FRMD4B: variants seen among roughly 807,000 people sequenced by gnomAD.
FRMD4B encodes the protein FERM domain-containing protein 4B.
FRMD4B carries 74 observed loss-of-function variants against 141.5 expected under a neutral mutation model. The observed-to-expected ratio is 0.52, with a 90% CI of 0.43 to 0.63. FRMD4B has a LOEUF of 0.63. FRMD4B is among the 30% of genes least tolerant of loss of function. The pLI is 0.00. For synonymous variants in FRMD4B, 506 were observed against 467.9 expected (o/e 1.08, Z -1.05); for missense variants, 1,366 against 1,253.4 (o/e 1.09, Z -1.36).
rs10526962 is a variant in FRMD4B at position 69,250,290 on chromosome 3, CGT to C, written c.502-193_502-192del. 2.9e-3 allele frequency: 1,203 copies of C among 418,566 alleles called. 8 individuals are homozygous for C. Among genetic ancestry groups the C allele is most frequent in the African/African-American group, 0.018 (911 of 50,148 alleles). The allele number at this position is 418,566 out of a possible 1,614,324, so 25.9% of individuals were successfully genotyped here. ...GGTTAAGGCGAAACCACTGTGTGTG[CGT>C]GTGTGTGTGTGTGTGTGTGTGTGTG... On this transcript the variant is annotated intron_variant, in intron 5 of 22. Transcript: ENST00000398540.
At chr3:69,392,021 C>A (rs1019297125) in intron 2 of FRMD4B, among the ~76,000 whole-genome samples, 6 of 152,216 alleles carry the variant, frequency 3.9e-5, no homozygotes, top group African/African-American at 1.4e-4. Flanking sequence ...ACATAGCAGG[C>A]AATCAATAAA....
intron 2 of FRMD4B, among the ~76,000 whole-genome samples, chr3:69,428,401 A>G (rs528945006): frequency 3.3e-4 from 49 of 149,218 alleles, no homozygotes; most frequent in Middle Eastern, 3.5e-3. Flanking sequence ...AACTCTTTTA[A>G]TCCCCAGCAG....
chr3:69,233,442 T>C (rs1246364103), intron 7 of FRMD4B, among the ~76,000 whole-genome samples: 3 of 147,844 alleles, frequency 2.0e-5, no homozygotes, highest in African/African-American at 7.6e-5. Context: ...CACGATCGCC[T>C]ACTGCACTCC....
intron 2 of FRMD4B, among the ~76,000 whole-genome samples, chr3:69,426,032 A>G (rs1705071615): frequency 6.6e-6 from 1 of 152,236 alleles, no homozygotes. Context: ...TTTGCTAAAG[A>G]TTGATCAAGA....
intron 1 of FRMD4B, chr3:69,353,738 A>G: frequency 1.0e-6 from 1 of 980,888 alleles, no homozygotes. Flanking sequence ...TTCCGCTGCC[A>G]TATAATCTCA....
At position 69,187,899 on chromosome 3, in the gene FRMD4B, A is replaced by T. The variant is rs1040333352; in HGVS notation, c.1790T>A (p.Phe597Tyr). The T allele has an allele frequency of 3.1e-6, 5 of 1,588,042 alleles. No individual in the cohort carries two copies. In the African/African-American group the frequency reaches 4.0e-5, roughly 13 times the overall value. ...TACTGAACTTGATCGCTGCCCAGGA[A>T]AAGTGAAGGCATCACTGGCTATAAT... ...TYDDPSDAFT[F>Y]PGQRSSSVPH... Residue 597 changes from phenylalanine (F) to tyrosine (Y), a missense_variant, in exon 19 of 23, where the codon TTT becomes TAT. Physicochemically the swap from Phe to Tyr is conservative, Grantham distance 22. Coordinates refer to ENST00000398540, the MANE Select transcript of FRMD4B (RefSeq NM_015123.3).
At position 69,170,138 on chromosome 3, in the gene FRMD4B, GAATT is replaced by G. The variant is rs148480186; in HGVS notation, c.*1719_*1722del. ...TAAATATTTAAAAATGTACATCCCG[GAATT>G]AATAAAATACGGTAATACTATAAAT... On this transcript the variant is annotated 3_prime_UTR_variant, in exon 23 of 23. Coordinates refer to ENST00000398540, the MANE Select transcript of FRMD4B (RefSeq NM_015123.3). 5 of 152,196 alleles carry G rather than the reference GAATT, an allele frequency of 3.3e-5. No individual in the cohort carries two copies. Among genetic ancestry groups the G allele is most frequent in the African/African-American group, 1.2e-4 (5 of 41,510 alleles). The allele number at this position is 152,196 out of a possible 1,614,324, so 9.4% of individuals were successfully genotyped here. A position where few individuals can be genotyped will look rare whatever the true frequency, so the allele number is the denominator to read the frequency against.
intron 1 of FRMD4B, among the ~76,000 whole-genome samples, chr3:69,503,108 A>C (rs1010234130): frequency 1.3e-5 from 2 of 152,230 alleles, no homozygotes; most frequent in African/African-American, 4.8e-5. Flanking sequence ...TAGTTCAACC[A>C]TTGTGGAAGT....
chr3:69,250,306 T>TGC, intron 5 of FRMD4B: 1 of 297,904 alleles, frequency 3.4e-6, no homozygotes. Context: ...TGTGTGTGTG[T>TGC]GTGTGTGTGT....
At chr3:69,311,146 T>C (rs1701573495) in intron 3 of FRMD4B, 117 bp downstream of exon 3, 1 of 518,188 alleles carries the variant, frequency 1.9e-6, no homozygotes, top group Non-Finnish European at 3.5e-6. Context: ...AACCTTTAGC[T>C]AAGCAGGACA....
At chr3:69,515,330 T>A (rs1700738424) in intron 1 of FRMD4B, among the ~76,000 whole-genome samples, 1 of 152,136 alleles carries the variant, frequency 6.6e-6, no homozygotes, top group African/African-American at 2.4e-5. Flanking sequence ...CACATGAGAT[T>A]TGGGTGGGGC....
chr3:69,429,676 C>T (rs966232825), intron 2 of FRMD4B, among the ~76,000 whole-genome samples: 4 of 151,202 alleles, frequency 2.6e-5, no homozygotes, highest in African/African-American at 9.7e-5. Flanking sequence ...TGGTATGCAA[C>T]GCGGGCAGAA....
Position 69,170,070 on chromosome 3 carries a change from G to A in FRMD4B, c.*1791C>T, listed in dbSNP as rs1380664220. The A allele has an allele frequency of 1.3e-5, 2 of 152,138 alleles. No homozygotes were observed. Among genetic ancestry groups the A allele is most frequent in the Non-Finnish European group, 2.9e-5 (2 of 68,026 alleles). 9.4% of individuals were successfully genotyped at this position (152,138 alleles called of 1,614,324 possible). ...TATTAAGAAAAAACTGCCAATTCAAGTAGAATATGCCATCAATAAAAAGAT... is the reference window on the plus strand; with the variant it reads ...TATTAAGAAAAAACTGCCAATTCAAATAGAATATGCCATCAATAAAAAGAT... On this transcript the variant is annotated 3_prime_UTR_variant, in exon 23 of 23. Transcript: ENST00000398540.
At chr3:69,226,551 G>A (rs2093256501) in intron 7 of FRMD4B, among the ~76,000 whole-genome samples, 1 of 151,692 alleles carries the variant, frequency 6.6e-6, no homozygotes, top group South Asian at 2.1e-4. Flanking sequence ...ATCGTGTTAT[G>A]AAATCATCCC....
intron 1 of FRMD4B, among the ~76,000 whole-genome samples, chr3:69,359,628 C>T (rs948587236): frequency 1.3e-5 from 2 of 152,016 alleles, no homozygotes; most frequent in African/African-American, 4.8e-5. Flanking sequence ...CTTTTGTGCT[C>T]GGCGAATTTT....
intron 1 of FRMD4B, among the ~76,000 whole-genome samples, chr3:69,373,554 T>C (rs1029621193): frequency 6.6e-6 from 1 of 152,178 alleles, no homozygotes; most frequent in African/African-American, 2.4e-5. Flanking sequence ...GCACTGTGTC[T>C]GACATATAGA....
intron 5 of FRMD4B, among the ~76,000 whole-genome samples, chr3:69,269,685 C>T (rs1441369826): frequency 1.3e-5 from 2 of 152,252 alleles, no homozygotes; most frequent in East Asian, 1.9e-4. Flanking sequence ...TGCTCTGTCG[C>T]TTAGGCTGGA....
intron 2 of FRMD4B, among the ~76,000 whole-genome samples, chr3:69,411,076 T>C (rs992077227): frequency 6.6e-6 from 1 of 152,060 alleles, no homozygotes; most frequent in African/African-American, 2.4e-5. Context: ...GACACCGCCA[T>C]TCAGCCCTGA....
At position 69,249,394 on chromosome 3, in the gene FRMD4B, G is replaced by A. The variant is rs2093446785; in HGVS notation, c.559-146C>T. On this transcript the variant is annotated intron_variant, in intron 6 of 22. Transcript: ENST00000398540. ...AGGAATGCTCTCCCTATAGGCATAA[G>A]AAGAATTAGGCATTGATAAGAAAAC... The A allele has an allele frequency of 7.9e-5, 45 of 570,242 alleles. No individual in the cohort carries two copies. The South Asian group carries it at 1.0e-3, about 13-fold the overall frequency. The allele number at this position is 570,242 out of a possible 1,614,324, so 35.3% of individuals were successfully genotyped here.
Sources: gnomAD v4.1 joint callset for allele counts (sites outside exome capture counted in the v4.1 genomes callset) on GRCh38, gnomAD v4.1.1 for gene constraint, MANE v1.5 for transcripts, NCBI Gene and HGNC (gene_info 2026-07-23, HGNC 2026-07-21) for gene names.